The following ABCB7 variants were observed in gnomAD, a reference collection of about 807,000 sequenced individuals.
The protein encoded by ABCB7 is ATP binding cassette subfamily B member 7, also known as iron-sulfur clusters transporter ABCB7, mitochondrial.
ABCB7 carries 7 observed loss-of-function variants against 54.4 expected under a neutral mutation model. The ratio of observed to expected loss-of-function variants is 0.13; its 90% CI spans 0.07 to 0.24. The LOEUF is 0.24. ABCB7 is among the 10% of genes least tolerant of loss of function. ABCB7 has a pLI of 1.00. For missense variants in ABCB7, 356 were observed against 570.4 expected, an observed-to-expected ratio of 0.62 and a Z score of 3.83; for synonymous variants, 218 against 207.1, an observed-to-expected ratio of 1.05 and a Z score of -0.45.
chrX:75,096,253 T>G (rs1406367564), intron 4 of ABCB7, among the ~76,000 whole-genome samples: 1 of 112,251 alleles, frequency 8.9e-6, no homozygotes, highest in Non-Finnish European at 1.9e-5. Context: ...TTCTCTCTGT[T>G]CAGCTTAAAC....
chrX:75,099,748 A>T (rs569142969), intron 3 of ABCB7, among the ~76,000 whole-genome samples: 1 of 111,111 alleles, frequency 9.0e-6, no homozygotes, highest in Admixed American at 9.6e-5. Flanking sequence ...CTAATACCAA[A>T]CTAAGTAGAC....
At chrX:75,070,331 A>G (rs374083743) in intron 10 of ABCB7, 34 bp downstream of exon 10, 24 of 1,169,010 alleles carry the variant, frequency 2.1e-5, no homozygotes, top group Admixed American at 1.1e-4. Context: ...TGATGTTCAC[A>G]TACTTTTGAA....
chrX:75,129,690 T>A (rs1414851771), intron 1 of ABCB7, among the ~76,000 whole-genome samples: 1 of 109,300 alleles, frequency 9.1e-6, no homozygotes, highest in Non-Finnish European at 1.9e-5. Context: ...CCCCTAAAGA[T>A]GCTTAGTCCA....
intron 12 of ABCB7, among the ~76,000 whole-genome samples, chrX:75,067,638 C>T (rs954326553): frequency 2.7e-5 from 3 of 110,755 alleles, no homozygotes; most frequent in Non-Finnish European, 5.7e-5. Context: ...ACACCTGCCA[C>T]CATGCTCAGC....
chrX:75,108,357 CA>C (rs1158947279), intron 3 of ABCB7, among the ~76,000 whole-genome samples: 1 of 111,451 alleles, frequency 9.0e-6, no homozygotes, highest in Admixed American at 9.5e-5. Context: ...TGCATAGTCC[CA>C]GGGACTTACC....
intron 6 of ABCB7, among the ~76,000 whole-genome samples, chrX:75,074,852 A>G (rs980171089): frequency 3.6e-5 from 4 of 111,244 alleles, no homozygotes; most frequent in African/African-American, 1.3e-4. Flanking sequence ...GGAGGGTGGC[A>G]GATGAGTGAA....
chrX:75,115,140 C>T (rs943908164), intron 1 of ABCB7, among the ~76,000 whole-genome samples: 4 of 106,859 alleles, frequency 3.7e-5, no homozygotes, highest in African/African-American at 1.0e-4. Flanking sequence ...TGGTGGCGTG[C>T]GCCTGTAGTC....
intron 4 of ABCB7, among the ~76,000 whole-genome samples, chrX:75,084,490 C>G (rs187148489): frequency 9.0e-6 from 1 of 110,997 alleles, no homozygotes; most frequent in East Asian, 2.8e-4. Context: ...AAACGTGGCA[C>G]AATCTAAATG....
intron 1 of ABCB7, among the ~76,000 whole-genome samples, chrX:75,119,148 A>G (rs1226799294): frequency 8.9e-6 from 1 of 112,568 alleles, no homozygotes; most frequent in Non-Finnish European, 1.9e-5. Flanking sequence ...CTTAGTTCAC[A>G]TGACTTAAGT....
At chrX:75,095,850 T>C (rs772014634) in intron 4 of ABCB7, among the ~76,000 whole-genome samples, 18 of 112,198 alleles carry the variant, frequency 1.6e-4, no homozygotes, top group African/African-American at 5.5e-4. Context: ...AATATTTTAG[T>C]CATTAAGGAA....
intron 1 of ABCB7, among the ~76,000 whole-genome samples, chrX:75,155,783 G>A (rs2082170424): frequency 9.0e-6 from 1 of 110,702 alleles, no homozygotes; most frequent in Non-Finnish European, 1.9e-5. Context: ...AGTCTTCCTC[G>A]TCTTTAGAAA....
intron 1 of ABCB7, among the ~76,000 whole-genome samples, chrX:75,135,369 A>C (rs2082002460): frequency 9.0e-6 from 1 of 111,332 alleles, no homozygotes; most frequent in South Asian, 3.8e-4. Context: ...GAACAGACAG[A>C]TTCACAGCCA....
chrX:75,080,832 G>C (rs1317974609), intron 4 of ABCB7, among the ~76,000 whole-genome samples: 1 of 111,814 alleles, frequency 8.9e-6, no homozygotes, highest in African/African-American at 3.3e-5. Flanking sequence ...TGGATTGTTT[G>C]TTTTTCTGCT....
intron 1 of ABCB7, among the ~76,000 whole-genome samples, chrX:75,126,443 G>A (rs980609059): frequency 1.8e-5 from 2 of 111,514 alleles, no homozygotes; most frequent in Middle Eastern, 9.3e-3. Context: ...ATGCCCACAT[G>A]AGAAAGCGGG....
intron 4 of ABCB7, among the ~76,000 whole-genome samples, chrX:75,084,714 A>T (rs762514275): frequency 8.0e-5 from 9 of 112,068 alleles, no homozygotes; most frequent in Non-Finnish European, 1.5e-4. Flanking sequence ...GGGAGAAAAT[A>T]TCTGCAAATC....
chrX:75,154,157 T>A (rs2082155586), intron 1 of ABCB7, among the ~76,000 whole-genome samples: 1 of 111,324 alleles, frequency 9.0e-6, no homozygotes, highest in Non-Finnish European at 1.9e-5. Context: ...AAAGGTAACA[T>A]CTTTCCCTTG....
rs16991852 is a variant in ABCB7, at chrX:75,052,931, T to C, written c.*439A>G. On this transcript the variant is annotated 3_prime_UTR_variant, in exon 16 of 16. Coordinates refer to ENST00000373394, the MANE Select transcript of ABCB7 (RefSeq NM_001271696.3). ...AAATTCATTTTCACATCAATTTCAA[T>C]TGGACGAAGGAGGGAGAAGAAACAA... 2,470 of 121,200 alleles carry C rather than the reference T, an allele frequency of 0.02. 73 individuals are homozygous for C. The highest frequency in any genetic ancestry group is 0.075 in the African/African-American group (2,335 of 31,196). 10.0% of individuals were successfully genotyped at this position (121,200 alleles called of 1,213,427 possible). A position where few individuals can be genotyped will look rare whatever the true frequency, so the allele number is the denominator to read the frequency against.
chrX:75,112,457 G>C (rs1252039846), intron 3 of ABCB7, among the ~76,000 whole-genome samples: 1 of 111,710 alleles, frequency 9.0e-6, no homozygotes, highest in Non-Finnish European at 1.9e-5. Flanking sequence ...TGGATAACTA[G>C]GTGGATCAGG....
chrX:75,128,159 G>T (rs1304315782), intron 1 of ABCB7, among the ~76,000 whole-genome samples: 1 of 111,343 alleles, frequency 9.0e-6, no homozygotes, highest in Non-Finnish European at 1.9e-5. Flanking sequence ...TAAAGAAAAA[G>T]AAAAAAGCTG....
Sources: gnomAD v4.1 joint callset for allele counts (sites outside exome capture counted in the v4.1 genomes callset) on GRCh38, gnomAD v4.1.1 for gene constraint, MANE v1.5 for transcripts, NCBI Gene and HGNC (gene_info 2026-07-23, HGNC 2026-07-21) for gene names.